Variants in PCDHGB3 observed in about 807,000 individuals in gnomAD.
PCDHGB3 encodes the protein protocadherin gamma-B3.
A neutral mutation model predicts 59.2 loss-of-function variants in PCDHGB3; 40 were observed. The ratio of observed to expected loss-of-function variants is 0.68; its 90% CI spans 0.52 to 0.88. PCDHGB3 has a LOEUF of 0.88. Ranked by LOEUF, PCDHGB3 falls within the 40% of genes least tolerant of loss-of-function variation. The pLI is 0.00. For synonymous variants in PCDHGB3, 581 were observed against 503.6 expected, an observed-to-expected ratio of 1.15 and a Z score of -2.06; for missense variants, 1,309 against 1,187.9, an observed-to-expected ratio of 1.10 and a Z score of -1.50.
chr5:141,394,322 G>T (rs1438978424), intron 1 of PCDHGB3: 3 of 1,613,960 alleles, frequency 1.9e-6, no homozygotes, highest in Non-Finnish European at 1.7e-6. Context: ...CCCTGTCCTC[G>T]TATATCTCCA....
In PCDHGB3 at chr5:141,489,461, A is replaced by G. The variant is rs1329676538; in HGVS notation, c.2416-5346A>G. 5.0e-6 allele frequency: 8 copies of G among 1,613,832 alleles called. No homozygotes were observed. The highest frequency in any genetic ancestry group is 6.8e-6 in the Non-Finnish European group (8 of 1,179,986). On this transcript the variant is annotated intron_variant, in intron 1 of 3. Transcript: ENST00000576222. This position sits in a 1 kb window ranked among gnomAD's most constrained non-coding sequence, Gnocchi z 4.5. ...TTGGGCTCTGAGGAGAATGGGCGCT[A>G]TTTTTCCCTGAGCTTGATGAGTGGT...
chr5:141,384,444 C>T lies in PCDHGB3; in HGVS notation c.2415+11635C>T, dbSNP rs751427123. 2.5e-5 allele frequency: 41 copies of T among 1,613,906 alleles called. No individual in the cohort carries two copies. The Admixed American group carries it at 5.0e-4, about 20-fold the overall frequency. ...TAAACTCTGACACTGGAGTCCTGTA[C>T]GCGCTGCAATCCTTTGATTATGAGC... On this transcript the variant is annotated intron_variant, in intron 1 of 3. Transcript: ENST00000576222.
intron 1 of PCDHGB3, among the ~76,000 whole-genome samples, chr5:141,443,016 G>T (rs1325670377): frequency 6.6e-6 from 1 of 152,204 alleles, no homozygotes; most frequent in East Asian, 1.9e-4. Context: ...TATGACTAAT[G>T]GAAGTTGCCA....
At position 141,490,819 on chromosome 5, in the gene PCDHGB3, C is replaced by T; in HGVS notation, c.2416-3988C>T. Reference sequence around the variant, plus strand: ...CCAGCGTACCTTTGACTATGAATTGCTGCAGATGCTGCAGATTGTGGTGGG... The same window carrying T: ...CCAGCGTACCTTTGACTATGAATTGTTGCAGATGCTGCAGATTGTGGTGGG... On this transcript the variant is annotated intron_variant, in intron 1 of 3. Transcript: ENST00000576222. This position sits in a 1 kb window ranked among gnomAD's most constrained non-coding sequence, Gnocchi z 5.4. 2 of 1,613,842 alleles carry T rather than the reference C, an allele frequency of 1.2e-6. No individual in the cohort carries two copies. Among genetic ancestry groups the T allele is most frequent in the Non-Finnish European group, 8.5e-7 (1 of 1,179,804 alleles).
At position 141,431,776 on chromosome 5, in the gene PCDHGB3, C is replaced by A; in HGVS notation, c.2415+58967C>A. Reference sequence around the variant, plus strand: ...CCAAAGTCCTGATCACTGTTCTGGACGTGAACGACAATGCCCCAGAAGTGG... The same window carrying A: ...CCAAAGTCCTGATCACTGTTCTGGAAGTGAACGACAATGCCCCAGAAGTGG... On this transcript the variant is annotated intron_variant, in intron 1 of 3. Coordinates refer to ENST00000576222, the MANE Select transcript of PCDHGB3 (RefSeq NM_018924.5). The surrounding 1 kb of genome is among the most constrained non-coding windows in gnomAD (Gnocchi z 4.8). The A allele has an allele frequency of 6.2e-7, 1 of 1,614,228 alleles. No homozygotes were observed. The highest frequency in any genetic ancestry group is 8.5e-7 in the Non-Finnish European group (1 of 1,180,044).
intron 1 of PCDHGB3, among the ~76,000 whole-genome samples, chr5:141,444,152 ATTTTTTTTTTTTTTTT>A (rs747671382): frequency 6.3e-3 from 214 of 33,896 alleles, no homozygotes; most frequent in African/African-American, 0.023. Flanking sequence ...TGTGTACTGG[ATTTTTTTTTTTTTTTT>A]TTTTTTTTTT....
chr5:141,475,821 G>T, intron 1 of PCDHGB3: 1 of 352,534 alleles, frequency 2.8e-6, no homozygotes, highest in Non-Finnish European at 5.1e-6. Context: ...AGTTCCTGGC[G>T]CTAGCGCGTG....
chr5:141,433,703 G>T (rs1561871157), intron 1 of PCDHGB3, among the ~76,000 whole-genome samples: 1 of 152,098 alleles, frequency 6.6e-6, no homozygotes, highest in Non-Finnish European at 1.5e-5. Flanking sequence ...CGGGCGTGGT[G>T]GTGCATGTCT....
At chr5:141,484,877 G>T in intron 1 of PCDHGB3, 1 of 338,660 alleles carries the variant, frequency 3.0e-6, no homozygotes, top group Non-Finnish European at 5.4e-6. Context: ...GTGGAGGATA[G>T]GGTGGGCTTT....
At chr5:141,496,693 C>T (rs2099770546) in intron 2 of PCDHGB3, among the ~76,000 whole-genome samples, 1 of 152,164 alleles carries the variant, frequency 6.6e-6, no homozygotes, top group South Asian at 2.1e-4. Context: ...CCTTGCCAAC[C>T]TTCTCATAAG....
At chr5:141,478,574 C>T (rs2099465133) in intron 1 of PCDHGB3, 1 of 1,586,288 alleles carries the variant, frequency 6.3e-7, no homozygotes, top group Non-Finnish European at 8.6e-7. Flanking sequence ...ATGCTTGACC[C>T]TGTTAGTGCT....
chr5:141,381,798 C>CTCTTTCTT (rs372235829), intron 1 of PCDHGB3, among the ~76,000 whole-genome samples: 5 of 144,132 alleles, frequency 3.5e-5, no homozygotes, highest in African/African-American at 8.0e-5. Context: ...AGGCAATTCC[C>CTCTTTCTT]TCTTTCTTTC....
intron 1 of PCDHGB3, among the ~76,000 whole-genome samples, chr5:141,381,826 C>CTTCTTTTTT (rs1777532522): frequency 2.2e-4 from 16 of 74,296 alleles, no homozygotes; most frequent in African/African-American, 9.3e-4. Context: ...CTTTCTTCTT[C>CTTCTTTTTT]TTTTTTTTTT....
intron 1 of PCDHGB3, chr5:141,376,683 T>G (rs993121211): frequency 8.6e-5 from 69 of 804,030 alleles, no homozygotes; most frequent in African/African-American, 6.0e-4. Flanking sequence ...ATCGTTTTTT[T>G]TTTTTTTTTT....
At chr5:141,419,504 C>A in intron 1 of PCDHGB3, 1 of 1,612,298 alleles carries the variant, frequency 6.2e-7, no homozygotes, top group Non-Finnish European at 8.5e-7. Flanking sequence ...TGTGAGCCTG[C>A]GCGTGTTGGT....
At position 141,372,619 on chromosome 5, in the gene PCDHGB3, C is replaced by A; in HGVS notation, c.2225C>A (p.Thr742Asn). The A allele has an allele frequency of 6.2e-7, 1 of 1,613,968 alleles. No homozygotes were observed. The highest frequency in any genetic ancestry group is 1.1e-5 in the South Asian group (1 of 91,090). Residue 742 changes from threonine to asparagine, a missense_variant, in exon 1 of 4, where the codon ACC becomes AAC. Coordinates refer to ENST00000576222, the MANE Select transcript of PCDHGB3 (RefSeq NM_018924.5). Reference protein sequence around the residue: ...CFKTVPGVLPTYSERTLPYSY... With the variant: ...CFKTVPGVLPNYSERTLPYSY... Reference sequence around the variant, plus strand: ...AAGACTGTACCTGGAGTTCTCCCCACCTACAGCGAAAGGACTTTGCCTTAT... The same window carrying A: ...AAGACTGTACCTGGAGTTCTCCCCAACTACAGCGAAAGGACTTTGCCTTAT...
At chr5:141,403,860 C>A (rs201458472) in intron 1 of PCDHGB3, 1 of 1,613,382 alleles carries the variant, frequency 6.2e-7, no homozygotes, top group Non-Finnish European at 8.5e-7. Flanking sequence ...GAAATATCAA[C>A]AGCAAAAAGT....
intron 2 of PCDHGB3, among the ~76,000 whole-genome samples, chr5:141,495,262 A>G (rs550950979): frequency 1.3e-5 from 2 of 152,246 alleles, no homozygotes; most frequent in South Asian, 2.1e-4. Flanking sequence ...GCAGAAAAGC[A>G]TTTGACCGGA....
At chr5:141,423,761 TG>T in intron 1 of PCDHGB3, 1 of 156,420 alleles carries the variant, frequency 6.4e-6, no homozygotes, top group Non-Finnish European at 9.2e-6. Context: ...GGGGGGGGGG[TG>T]GGGCGGCATA....
Sources: gnomAD v4.1 joint callset for allele counts (sites outside exome capture counted in the v4.1 genomes callset) on GRCh38, gnomAD v4.1.1 for gene constraint, Gnocchi (gnomAD v3.1) non-coding constraint, MANE v1.5 for transcripts, NCBI Gene and HGNC (gene_info 2026-07-23, HGNC 2026-07-21) for gene names.